Variants in CACNA2D3 observed in about 807,000 individuals in gnomAD.
CACNA2D3 encodes calcium voltage-gated channel auxiliary subunit alpha2delta 3.
CACNA2D3 carries 60 observed loss-of-function variants against 160.6 expected under a neutral mutation model. That is an observed-to-expected ratio of 0.37 (90% CI 0.30 to 0.46). The LOEUF (loss-of-function observed/expected upper bound fraction) is 0.46, where lower values mean the gene tolerates loss of function less well. Among genes scored for constraint, CACNA2D3 ranks in the 20% least tolerant of loss-of-function variants. CACNA2D3 has a pLI of 1.00. For synonymous variants in CACNA2D3, 558 were observed against 492.9 expected (o/e 1.13, Z -1.75); for missense variants, 1,205 against 1,365.0 (o/e 0.88, Z 1.85).
chr3:55,052,483 T>G (rs1432242401), intron 35 of CACNA2D3, among the ~76,000 whole-genome samples: 1 of 151,824 alleles, frequency 6.6e-6, no homozygotes, highest in African/African-American at 2.4e-5. Context: ...GTGTTGTTGT[T>G]AAAGTTTTCT....
At chr3:54,911,091 C>T (rs932278163) in intron 27 of CACNA2D3, among the ~76,000 whole-genome samples, 1 of 152,070 alleles carries the variant, frequency 6.6e-6, no homozygotes, top group African/African-American at 2.4e-5. Flanking sequence ...GTCATTACAT[C>T]GTTTCATTCA....
intron 4 of CACNA2D3, among the ~76,000 whole-genome samples, chr3:54,450,143 ATT>A (rs1196776810): frequency 2.0e-5 from 3 of 152,296 alleles, no homozygotes; most frequent in Non-Finnish European, 4.4e-5. Context: ...GCCTGTATTA[ATT>A]TCCTAGGACC....
At chr3:54,554,152 G>A (rs1247786091) in intron 5 of CACNA2D3, among the ~76,000 whole-genome samples, 2 of 145,718 alleles carry the variant, frequency 1.4e-5, no homozygotes, top group Admixed American at 7.0e-5. Context: ...CAGCATTCAG[G>A]TCATCTATAT....
intron 29 of CACNA2D3, among the ~76,000 whole-genome samples, chr3:54,977,330 G>A (rs1293996612): frequency 6.6e-6 from 1 of 152,124 alleles, no homozygotes; most frequent in South Asian, 2.1e-4. Context: ...AGATTCTAAT[G>A]TGCCAATGGC....
chr3:54,440,547 A>G (rs1171039155), intron 4 of CACNA2D3, among the ~76,000 whole-genome samples: 1 of 152,154 alleles, frequency 6.6e-6, no homozygotes, highest in Non-Finnish European at 1.5e-5. Context: ...CAGCTTAGTT[A>G]CATATGTATA....
chr3:54,991,138 A>T (rs1702730989), intron 31 of CACNA2D3, among the ~76,000 whole-genome samples: 1 of 152,116 alleles, frequency 6.6e-6, no homozygotes, highest in Non-Finnish European at 1.5e-5. Context: ...TAACTCTGAG[A>T]CAGGCATAAA....
chr3:54,853,692 A>C (rs2106787532), intron 17 of CACNA2D3, among the ~76,000 whole-genome samples: 1 of 152,280 alleles, frequency 6.6e-6, no homozygotes, highest in South Asian at 2.1e-4. Flanking sequence ...CTCACAGACA[A>C]AGTCTCTGCT....
intron 4 of CACNA2D3, among the ~76,000 whole-genome samples, chr3:54,476,344 C>CCT (rs1700831118): frequency 1.3e-5 from 2 of 151,678 alleles, no homozygotes; most frequent in African/African-American, 4.8e-5. Context: ...ATCTTGGCCA[C>CCT]TGTGAATAAT....
intron 4 of CACNA2D3, among the ~76,000 whole-genome samples, chr3:54,436,891 C>G (rs1336031840): frequency 1.3e-5 from 2 of 152,048 alleles, no homozygotes; most frequent in African/African-American, 4.8e-5. Flanking sequence ...CACATGTATA[C>G]CTATGAAAGG....
At chr3:54,810,750 C>T (rs1241296076) in intron 13 of CACNA2D3, among the ~76,000 whole-genome samples, 7 of 152,218 alleles carry the variant, frequency 4.6e-5, no homozygotes, top group South Asian at 4.2e-4. Flanking sequence ...AAAAAGGGTC[C>T]ACTCAAGTTT....
At chr3:54,911,053 C>T (rs1310368956) in intron 27 of CACNA2D3, among the ~76,000 whole-genome samples, 1 of 152,176 alleles carries the variant, frequency 6.6e-6, no homozygotes, top group Non-Finnish European at 1.5e-5. Flanking sequence ...ACAACCACCC[C>T]TCCCATATTA....
chr3:54,226,255 A>G (rs890737974), intron 2 of CACNA2D3, among the ~76,000 whole-genome samples: 3 of 151,296 alleles, frequency 2.0e-5, no homozygotes, highest in Non-Finnish European at 2.9e-5. Flanking sequence ...GGAAGAGGGA[A>G]ATGGCTCAGA....
At chr3:54,415,760 A>G (rs990078294) in intron 4 of CACNA2D3, among the ~76,000 whole-genome samples, 1 of 152,196 alleles carries the variant, frequency 6.6e-6, no homozygotes, top group African/African-American at 2.4e-5. Flanking sequence ...TTGAGAGGCC[A>G]AGTGATGGAC....
At chr3:54,757,706 T>C (rs1218310716) in intron 12 of CACNA2D3, among the ~76,000 whole-genome samples, 4 of 152,220 alleles carry the variant, frequency 2.6e-5, no homozygotes, top group African/African-American at 4.8e-5. Context: ...GTGCCAGGCA[T>C]AGAACAGAGT....
At chr3:54,489,172 G>A (rs1701067147) in intron 4 of CACNA2D3, among the ~76,000 whole-genome samples, 1 of 152,184 alleles carries the variant, frequency 6.6e-6, no homozygotes, top group Non-Finnish European at 1.5e-5. Flanking sequence ...ATCTTGTCTT[G>A]TGTCCTAAGA....
At chr3:54,222,987 T>A (rs1048132896) in intron 2 of CACNA2D3, among the ~76,000 whole-genome samples, 2 of 152,248 alleles carry the variant, frequency 1.3e-5, no homozygotes, top group Non-Finnish European at 2.9e-5. Flanking sequence ...TGTTACTTTT[T>A]CCTCTCCATT....
intron 2 of CACNA2D3, among the ~76,000 whole-genome samples, chr3:54,189,778 A>G (rs1351743497): frequency 6.6e-6 from 1 of 152,190 alleles, no homozygotes; most frequent in Admixed American, 6.5e-5. Context: ...ACACAGGCCT[A>G]TCTTCCCCAT....
intron 35 of CACNA2D3, among the ~76,000 whole-genome samples, chr3:55,069,152 A>ACAATTCAT (rs1704740778): frequency 6.6e-6 from 1 of 152,112 alleles, no homozygotes; most frequent in Non-Finnish European, 1.5e-5. Context: ...TTGTCTCACG[A>ACAATTCAT]GTTTCGATGC....
chr3:54,864,218 T>C (rs963057636), intron 17 of CACNA2D3, among the ~76,000 whole-genome samples: 1 of 152,122 alleles, frequency 6.6e-6, no homozygotes, highest in African/African-American at 2.4e-5. Context: ...ATATTGTAAG[T>C]TGGGCATCAG....
Sources: allele counts gnomAD v4.1 joint callset (sites outside exome capture counted in the v4.1 genomes callset), GRCh38; gene constraint gnomAD v4.1.1; transcripts MANE v1.5; gene names NCBI Gene and HGNC (gene_info 2026-07-23, HGNC 2026-07-21).